The following PELI2 variants were observed in gnomAD, a reference collection of about 807,000 sequenced individuals.
PELI2 encodes E3 ubiquitin-protein ligase pellino homolog 2.
A neutral mutation model predicts 42.3 loss-of-function variants in PELI2; 23 were observed. That is an observed-to-expected ratio of 0.54 (90% CI 0.39 to 0.77). The LOEUF (loss-of-function observed/expected upper bound fraction) is 0.77. PELI2 is among the 30% of genes least tolerant of loss of function. The probability of loss-of-function intolerance (pLI) is 0.00; values close to 1 mark genes in which losing one functional copy is unlikely to be tolerated. For missense variants in PELI2, 463 were observed against 553.2 expected (o/e 0.84, Z 1.64); for synonymous variants, 245 against 212.2 (o/e 1.15, Z -1.34).
intron 1 of PELI2, among the ~76,000 whole-genome samples, chr14:56,139,162 C>T (rs140227522): frequency 6.2e-4 from 94 of 152,192 alleles, no homozygotes; most frequent in African/African-American, 2.1e-3. Context: ...CAATCACTTT[C>T]CTTGGTTTGG....
At chr14:56,134,556 C>G (rs544984337) in intron 1 of PELI2, among the ~76,000 whole-genome samples, 1 of 152,174 alleles carries the variant, frequency 6.6e-6, no homozygotes, top group South Asian at 2.1e-4. Flanking sequence ...GTGATATTTG[C>G]TGTTCAGCCA....
chr14:56,277,742 A>G (rs578051484), intron 2 of PELI2, among the ~76,000 whole-genome samples: 36 of 152,206 alleles, frequency 2.4e-4, no homozygotes, highest in Admixed American at 1.6e-3. Context: ...TGAATTTGGG[A>G]GAAATACTTA....
intron 2 of PELI2, among the ~76,000 whole-genome samples, chr14:56,181,802 C>T (rs530631114): frequency 2.0e-5 from 3 of 151,890 alleles, no homozygotes; most frequent in African/African-American, 7.3e-5. Context: ...TGTATTTGCT[C>T]TTAGAATAAT....
intron 1 of PELI2, among the ~76,000 whole-genome samples, chr14:56,133,322 T>C (rs913995401): frequency 2.0e-4 from 31 of 152,318 alleles, no homozygotes; most frequent in African/African-American, 5.8e-4. Flanking sequence ...CTGCTTTTTT[T>C]CGGCAAGTTG....
At position 56,276,558 on chromosome 14, in the gene PELI2, G is replaced by A. The variant is rs142451323; in HGVS notation, c.208-3118G>A. 2.0e-5 allele frequency among the ~76,000 whole-genome samples: 3 copies of A among 152,284 alleles called. No individual in the cohort carries two copies. In the East Asian group the frequency reaches 5.8e-4, roughly 29 times the overall value. On this transcript the variant is annotated intron_variant, in intron 2 of 5. Transcript: ENST00000267460. ...CCTTGCCAGAACTGGAAGTGACTTC[G>A]AGGTGACTATCATGCTAGTTCCGAA... is the stretch of plus-strand genomic sequence containing the variant.
intron 1 of PELI2, among the ~76,000 whole-genome samples, chr14:56,149,696 C>G (rs1167362409): frequency 1.3e-5 from 2 of 151,904 alleles, no homozygotes; most frequent in Non-Finnish European, 2.9e-5. Context: ...TGTGTTGCCT[C>G]AGTTCATTTC....
At chr14:56,258,299 C>G (rs1442053945) in intron 2 of PELI2, among the ~76,000 whole-genome samples, 1 of 151,434 alleles carries the variant, frequency 6.6e-6, no homozygotes, top group African/African-American at 2.4e-5. Flanking sequence ...GCCCCCCCAC[C>G]CCCGCAAAAA....
chr14:56,277,085 CT>C (rs1889320452), intron 2 of PELI2, among the ~76,000 whole-genome samples: 1 of 152,138 alleles, frequency 6.6e-6, no homozygotes, highest in Non-Finnish European at 1.5e-5. Flanking sequence ...AACTTGCAGC[CT>C]ATAAAATGGC....
At chr14:56,160,605 C>T (rs759080693) in intron 1 of PELI2, among the ~76,000 whole-genome samples, 17 of 152,174 alleles carry the variant, frequency 1.1e-4, no homozygotes, top group Non-Finnish European at 1.6e-4. Context: ...TGAAAGTTAA[C>T]TGCCACATCT....
intron 1 of PELI2, among the ~76,000 whole-genome samples, chr14:56,168,875 C>T (rs569522795): frequency 6.6e-6 from 1 of 152,062 alleles, no homozygotes; most frequent in Admixed American, 6.5e-5. Flanking sequence ...TTCAAGGGCT[C>T]TTCAGTTAAC....
rs969975284 is a variant in PELI2 at position 56,295,351 on chromosome 14, C to G, written c.697-1249C>G. ...CTCCCGCCTGGGTCTCTCGTCCCCC[C>G]CCACCCAGTGCCCTGAACTGCGTCC... On this transcript the variant is annotated intron_variant, in intron 5 of 5. Transcript: ENST00000267460. Among the ~76,000 whole-genome samples, 5 of 152,062 alleles carry G rather than the reference C, an allele frequency of 3.3e-5. No homozygotes were observed. In the East Asian group the frequency reaches 5.8e-4, roughly 18 times the overall value.
intron 2 of PELI2, among the ~76,000 whole-genome samples, chr14:56,249,078 C>G (rs1048679017): frequency 6.6e-6 from 1 of 152,124 alleles, no homozygotes. Flanking sequence ...CGTGAATTGG[C>G]CATGGGATAT....
chr14:56,169,945 G>A (rs1431598234), intron 1 of PELI2, among the ~76,000 whole-genome samples: 1 of 152,164 alleles, frequency 6.6e-6, no homozygotes, highest in East Asian at 1.9e-4. Flanking sequence ...ATTGGCATAT[G>A]GGCATTTCCT....
At chr14:56,139,140 G>T (rs1390739614) in intron 1 of PELI2, among the ~76,000 whole-genome samples, 2 of 152,136 alleles carry the variant, frequency 1.3e-5, no homozygotes, top group African/African-American at 4.8e-5. Flanking sequence ...AAATGATAGG[G>T]CATTACATAC....
intron 2 of PELI2, among the ~76,000 whole-genome samples, chr14:56,210,984 CT>C (rs1304200247): frequency 6.6e-6 from 1 of 152,182 alleles, no homozygotes; most frequent in African/African-American, 2.4e-5. Context: ...CACCCTTGGT[CT>C]TAAGTAACTA....
chr14:56,178,517 A>T (rs1199358138), intron 2 of PELI2, 53 bp downstream of exon 2: 1 of 1,591,616 alleles, frequency 6.3e-7, no homozygotes, highest in Non-Finnish European at 8.6e-7. Context: ...TGACTCACAG[A>T]TACTCCTTGT....
intron 2 of PELI2, among the ~76,000 whole-genome samples, chr14:56,200,046 T>C (rs1267519994): frequency 7.9e-6 from 1 of 127,006 alleles, no homozygotes; most frequent in Admixed American, 8.6e-5. Context: ...TAACGAAGAG[T>C]TCTTACAATA....
At chr14:56,293,225 A>G (rs758941932) in intron 5 of PELI2, among the ~76,000 whole-genome samples, 2 of 152,176 alleles carry the variant, frequency 1.3e-5, no homozygotes, top group African/African-American at 2.4e-5. Flanking sequence ...GATAGTTGCT[A>G]TGTAGGGGCC....
At chr14:56,270,892 G>A (rs973021977) in intron 2 of PELI2, among the ~76,000 whole-genome samples, 3 of 152,110 alleles carry the variant, frequency 2.0e-5, no homozygotes, top group African/African-American at 7.2e-5. Flanking sequence ...GTTGATCTCT[G>A]CAGTATCTAC....
Sources: allele counts gnomAD v4.1 joint callset (sites outside exome capture counted in the v4.1 genomes callset), GRCh38; gene constraint gnomAD v4.1.1; transcripts MANE v1.5; gene names NCBI Gene and HGNC (gene_info 2026-07-23, HGNC 2026-07-21).